ANKFN1: variants seen among roughly 807,000 people sequenced by gnomAD.
The protein encoded by ANKFN1 is ankyrin repeat and fibronectin type-III domain-containing protein 1.
Under a neutral mutation model 108.7 loss-of-function variants are expected in ANKFN1, and 74 were observed. The observed-to-expected ratio is 0.68, with a 90% confidence interval of 0.56 to 0.83. The LOEUF is 0.83. Ranked by LOEUF, ANKFN1 falls within the 40% of genes least tolerant of loss-of-function variation. The probability of loss-of-function intolerance (pLI) is 0.00; values close to 1 mark genes in which losing one functional copy is unlikely to be tolerated. For missense variants in ANKFN1, 1,505 were observed against 1,382.3 expected, an observed-to-expected ratio of 1.09 and a Z score of -1.41; for synonymous variants, 547 against 516.2, an observed-to-expected ratio of 1.06 and a Z score of -0.81.
intron 4 of ANKFN1, among the ~76,000 whole-genome samples, chr17:56,140,956 T>C (rs1301439580): frequency 6.6e-6 from 1 of 152,210 alleles, no homozygotes; most frequent in African/African-American, 2.4e-5. Flanking sequence ...CATCATGTGT[T>C]TCTTTATATC....
Position 56,477,494 on chromosome 17 carries a change from C to G in ANKFN1, c.1780C>G (p.Leu594Val). The G allele has an allele frequency of 6.9e-7, 1 of 1,443,166 alleles. No homozygotes were observed. The highest frequency in any genetic ancestry group is 9.5e-7 in the Non-Finnish European group (1 of 1,055,850). The allele number at this position is 1,443,166 out of a possible 1,614,324, so 89.4% of individuals were successfully genotyped here. The change falls in exon 16 of 21, where the codon CTA becomes GTA. Residue 594 changes from leucine (L) to valine (V), a missense_variant. Leu to Val is a conservative substitution (Grantham distance 32, BLOSUM62 1). Coordinates refer to ENST00000682825, the MANE Select transcript of ANKFN1 (RefSeq NM_001370326.1). ...TTTTTTTTTAACCCTACAGGATATT[C>G]TATCCTATCACAAAAGGAGTCATCA... ...DILLITIQDI[L>V]SYHKRSHQRL...
chr17:56,457,093 G>A, intron 12 of ANKFN1, 133 bp downstream of exon 12: 1 of 1,140,052 alleles, frequency 8.8e-7, no homozygotes, highest in Middle Eastern at 2.7e-4. Flanking sequence ...GAGAATTTGT[G>A]TAAGACAGTA....
intron 2 of ANKFN1, among the ~76,000 whole-genome samples, chr17:56,218,041 A>G (rs1255742013): frequency 6.6e-6 from 1 of 152,192 alleles, no homozygotes; most frequent in Non-Finnish European, 1.5e-5. Flanking sequence ...CTAGTGAGTC[A>G]TTAGATTCCA....
chr17:56,233,130 AAAT>A (rs1916859009), intron 3 of ANKFN1, among the ~76,000 whole-genome samples: 1 of 152,094 alleles, frequency 6.6e-6, no homozygotes, highest in Non-Finnish European at 1.5e-5. Context: ...GGTAATATAA[AAAT>A]AATAATAGTA....
intron 4 of ANKFN1, among the ~76,000 whole-genome samples, chr17:56,330,566 T>G (rs2045635918): frequency 6.6e-6 from 1 of 152,186 alleles, no homozygotes; most frequent in Admixed American, 6.5e-5. Flanking sequence ...CTGACTTCCT[T>G]TCTAGCGTAT....
At chr17:56,143,827 G>A (rs1372979677) in intron 4 of ANKFN1, among the ~76,000 whole-genome samples, 3 of 152,056 alleles carry the variant, frequency 2.0e-5, no homozygotes, top group Non-Finnish European at 4.4e-5. Flanking sequence ...CGAATCCCAA[G>A]GACTGCCAGC....
intron 8 of ANKFN1, among the ~76,000 whole-genome samples, chr17:56,381,774 T>C (rs2047112777): frequency 6.6e-6 from 1 of 151,970 alleles, no homozygotes; most frequent in African/African-American, 2.4e-5. Context: ...CTCCAAGAAA[T>C]ATGGGACTAT....
At chr17:56,194,614 G>C (rs530944346) in intron 1 of ANKFN1, among the ~76,000 whole-genome samples, 2 of 152,328 alleles carry the variant, frequency 1.3e-5, no homozygotes, top group African/African-American at 4.8e-5. Flanking sequence ...TGATTAAGCA[G>C]AGCACAGAGG....
chr17:56,379,304 C>G (rs2047028324), intron 8 of ANKFN1, among the ~76,000 whole-genome samples: 1 of 151,294 alleles, frequency 6.6e-6, no homozygotes, highest in East Asian at 2.0e-4. Context: ...GAGGCTGAGG[C>G]AGGAGAATGG....
At chr17:56,121,145 T>G (rs1906592525) in intron 4 of ANKFN1, among the ~76,000 whole-genome samples, 1 of 151,972 alleles carries the variant, frequency 6.6e-6, no homozygotes, top group African/African-American at 2.4e-5. Flanking sequence ...ATCCTACCCT[T>G]TCATCTTTTT....
intron 1 of ANKFN1, among the ~76,000 whole-genome samples, chr17:56,171,120 C>CG (rs1910659591): frequency 6.6e-6 from 1 of 151,734 alleles, no homozygotes; most frequent in South Asian, 2.1e-4. Context: ...CCGGCACTGG[C>CG]GGGGAAATGC....
At chr17:56,437,973 G>GGGGTGTGTGT (rs1555653063) in intron 8 of ANKFN1, among the ~76,000 whole-genome samples, 79 of 142,272 alleles carry the variant, frequency 5.6e-4, no homozygotes, top group African/African-American at 1.3e-3. Flanking sequence ...ATCTACTGTA[G>GGGGTGTGTGT]GTGTGTGTGT....
At chr17:56,421,715 C>A (rs979109755) in intron 8 of ANKFN1, among the ~76,000 whole-genome samples, 3 of 152,126 alleles carry the variant, frequency 2.0e-5, no homozygotes, top group African/African-American at 2.4e-5. Context: ...ATTTGCGAAC[C>A]CTTCAAAAGT....
At chr17:56,191,656 T>C (rs1912941150) in intron 1 of ANKFN1, among the ~76,000 whole-genome samples, 1 of 120,248 alleles carries the variant, frequency 8.3e-6, no homozygotes, top group Non-Finnish European at 1.7e-5. Context: ...ATTTTTTCCT[T>C]CATTTCAACT....
intron 2 of ANKFN1, among the ~76,000 whole-genome samples, 113 bp downstream of exon 2, chr17:56,212,792 G>A (rs1302970907): frequency 6.6e-6 from 1 of 152,140 alleles, no homozygotes; most frequent in Non-Finnish European, 1.5e-5. Flanking sequence ...ACACCCAAAG[G>A]CGCAAACCAC....
intron 3 of ANKFN1, among the ~76,000 whole-genome samples, chr17:56,278,148 G>A (rs1378152241): frequency 1.3e-5 from 2 of 152,152 alleles, no homozygotes; most frequent in African/African-American, 2.4e-5. Flanking sequence ...ATATCAGAAT[G>A]ATCAAAGCAG....
intron 8 of ANKFN1, among the ~76,000 whole-genome samples, chr17:56,411,191 T>C (rs1168219159): frequency 1.3e-5 from 2 of 152,230 alleles, no homozygotes; most frequent in Non-Finnish European, 2.9e-5. Flanking sequence ...CACTGTTTTA[T>C]AGTTTTCAGT....
At chr17:56,173,568 C>T (rs1288304949) in intron 1 of ANKFN1, among the ~76,000 whole-genome samples, 1 of 151,876 alleles carries the variant, frequency 6.6e-6, no homozygotes, top group South Asian at 2.1e-4. Context: ...TTTTATGGTC[C>T]CACCCCAGCC....
chr17:56,452,553 G>T (rs1351414109), intron 11 of ANKFN1, among the ~76,000 whole-genome samples: 1 of 152,102 alleles, frequency 6.6e-6, no homozygotes, highest in Non-Finnish European at 1.5e-5. Flanking sequence ...CATAGGAGAG[G>T]GAAAAATAAC....
Sources: allele counts gnomAD v4.1 joint callset (sites outside exome capture counted in the v4.1 genomes callset), GRCh38; gene constraint gnomAD v4.1.1; transcripts MANE v1.5; gene names NCBI Gene and HGNC (gene_info 2026-07-23, HGNC 2026-07-21).